Variants in CSMD1 observed in about 807,000 individuals in gnomAD.
CSMD1 encodes CUB and Sushi multiple domains 1.
CSMD1 carries 213 observed loss-of-function variants against 417.5 expected under a neutral mutation model. The ratio of observed to expected loss-of-function variants is 0.51; its 90% CI spans 0.46 to 0.57. CSMD1 has a LOEUF of 0.57. Ranked by LOEUF, CSMD1 falls within the 20% of genes least tolerant of loss-of-function variation. The pLI, the probability that CSMD1 is intolerant of heterozygous loss-of-function variation, is 0.00. For missense variants in CSMD1, 6,923 were observed against 4,529.7 expected (o/e 1.53, Z -15.17); for synonymous variants, 2,862 against 1,736.8 (o/e 1.65, Z -16.11).
At chr8:4,470,138 G>A (rs1800440841) in intron 2 of CSMD1, among the ~76,000 whole-genome samples, 2 of 152,050 alleles carry the variant, frequency 1.3e-5, no homozygotes, top group South Asian at 2.1e-4. Flanking sequence ...CCAAAGGGCT[G>A]GGATTACAGG....
chr8:3,591,622 C>G (rs1336193652), intron 8 of CSMD1, among the ~76,000 whole-genome samples: 1 of 152,214 alleles, frequency 6.6e-6, no homozygotes, highest in African/African-American at 2.4e-5. Context: ...TCTCCTACCT[C>G]TCTTTTCAAC....
intron 8 of CSMD1, among the ~76,000 whole-genome samples, chr8:3,593,107 G>A (rs1445488867): frequency 1.3e-5 from 2 of 152,196 alleles, no homozygotes; most frequent in Admixed American, 6.5e-5. Flanking sequence ...AAGCGGTCTG[G>A]CTACCGCCAG....
Position 4,486,204 on chromosome 8 carries a change from CATATATATATATATATATAT to C in CSMD1, c.303-66159_303-66140del, listed in dbSNP as rs1200901429. On this transcript the variant is annotated intron_variant, in intron 2 of 69. Coordinates refer to ENST00000635120, the MANE Select transcript of CSMD1 (RefSeq NM_033225.6). ...ACATATATATATATATATATACATA[CATATATATATATATATATAT>C]ACATACATATATATATATATACATA... Among the ~76,000 whole-genome samples the C allele has an allele frequency of 1.1e-3, 18 of 16,908 alleles. 1 individual carries two copies. Among genetic ancestry groups the C allele is most frequent in the East Asian group, 5.0e-3 (2 of 402 alleles). The allele number at this position is 16,908 out of a possible 152,430, so 11.1% of individuals were successfully genotyped here.
chr8:4,697,202 G>GA (rs1441197673), intron 1 of CSMD1, among the ~76,000 whole-genome samples: 1 of 151,794 alleles, frequency 6.6e-6, no homozygotes, highest in Non-Finnish European at 1.5e-5. Context: ...AAAAAAATCA[G>GA]AAAAAATCAT....
intron 5 of CSMD1, among the ~76,000 whole-genome samples, chr8:3,788,322 G>C (rs1584999260): frequency 6.6e-6 from 1 of 152,088 alleles, no homozygotes; most frequent in Non-Finnish European, 1.5e-5. Flanking sequence ...AATAAATTAA[G>C]GGATGGGCTT....
intron 6 of CSMD1, among the ~76,000 whole-genome samples, chr8:3,750,888 C>G (rs1340858108): frequency 1.3e-5 from 2 of 152,134 alleles, no homozygotes; most frequent in Non-Finnish European, 2.9e-5. Context: ...CAGTTCTGCC[C>G]TCTGGATCCA....
chr8:4,480,605 A>G (rs1399416609), intron 2 of CSMD1, among the ~76,000 whole-genome samples: 1 of 152,224 alleles, frequency 6.6e-6, no homozygotes. Context: ...AAAACCAAGA[A>G]TGCATGAGAA....
chr8:3,682,673 C>A (rs1585069074), intron 7 of CSMD1, among the ~76,000 whole-genome samples: 2 of 152,232 alleles, frequency 1.3e-5, no homozygotes, highest in East Asian at 3.9e-4. Context: ...ACCATTTGAT[C>A]CAGCCATCCC....
chr8:3,689,957 G>C (rs1455937109), intron 7 of CSMD1, among the ~76,000 whole-genome samples: 1 of 152,224 alleles, frequency 6.6e-6, no homozygotes, highest in Non-Finnish European at 1.5e-5. Flanking sequence ...GTGCTATACA[G>C]TGTCACCAGT....
chr8:3,248,871 A>C (rs1005061950), intron 26 of CSMD1, among the ~76,000 whole-genome samples: 1 of 152,022 alleles, frequency 6.6e-6, no homozygotes, highest in Admixed American at 6.6e-5. Context: ...TTCAAGACTG[A>C]GGTCCTTGAT....
At chr8:4,421,862 A>G (rs1416290666) in intron 2 of CSMD1, among the ~76,000 whole-genome samples, 1 of 151,432 alleles carries the variant, frequency 6.6e-6, no homozygotes, top group Non-Finnish European at 1.5e-5. Flanking sequence ...AAAAAGAACA[A>G]ATAATGAAAG....
At chr8:4,033,199 G>C (rs942763554) in intron 3 of CSMD1, among the ~76,000 whole-genome samples, 13 of 148,430 alleles carry the variant, frequency 8.8e-5, no homozygotes, top group Admixed American at 5.4e-4. Flanking sequence ...CCAGCACTTT[G>C]GGAGGCCGAG....
chr8:4,484,302 G>C (rs1801252563), intron 2 of CSMD1, among the ~76,000 whole-genome samples: 2 of 151,892 alleles, frequency 1.3e-5, no homozygotes, highest in African/African-American at 4.8e-5. Flanking sequence ...CCTCTGTCCT[G>C]ATCATTTCTA....
intron 3 of CSMD1, among the ~76,000 whole-genome samples, chr8:4,193,554 G>C (rs1399601967): frequency 1.3e-5 from 2 of 152,056 alleles, no homozygotes; most frequent in Non-Finnish European, 2.9e-5. Flanking sequence ...AGTCACAAGA[G>C]GCTGTGGGAA....
intron 3 of CSMD1, among the ~76,000 whole-genome samples, chr8:4,218,106 T>C (rs1323782891): frequency 6.6e-6 from 1 of 152,208 alleles, no homozygotes; most frequent in Non-Finnish European, 1.5e-5. Flanking sequence ...CAATCGGACA[T>C]TGGCGATGAC....
At chr8:4,079,091 C>T (rs1436072939) in intron 3 of CSMD1, among the ~76,000 whole-genome samples, 3 of 151,572 alleles carry the variant, frequency 2.0e-5, no homozygotes, top group South Asian at 2.1e-4. Flanking sequence ...TTACCAGGGT[C>T]GGTTCAAATA....
intron 3 of CSMD1, among the ~76,000 whole-genome samples, chr8:4,120,579 T>A (rs1028798680): frequency 6.6e-5 from 10 of 152,204 alleles, no homozygotes; most frequent in African/African-American, 1.9e-4. Flanking sequence ...GGCTTTCAAA[T>A]GGCCTGTGGC....
At chr8:4,063,128 G>C (rs896795182) in intron 3 of CSMD1, among the ~76,000 whole-genome samples, 1 of 152,178 alleles carries the variant, frequency 6.6e-6, no homozygotes, top group Non-Finnish European at 1.5e-5. Flanking sequence ...ATAATTTATT[G>C]TGTATTTCAA....
intron 49 of CSMD1, among the ~76,000 whole-genome samples, chr8:3,056,251 C>T (rs1427362480): frequency 6.6e-6 from 1 of 152,222 alleles, no homozygotes; most frequent in East Asian, 1.9e-4. Flanking sequence ...GAAGAGACGT[C>T]CAGTGTTGTC....
Sources: allele counts gnomAD v4.1 joint callset (sites outside exome capture counted in the v4.1 genomes callset), GRCh38; gene constraint gnomAD v4.1.1; transcripts MANE v1.5; gene names NCBI Gene and HGNC (gene_info 2026-07-23, HGNC 2026-07-21).